PDZD2: variants seen among roughly 807,000 people sequenced by gnomAD.
PDZD2 encodes PDZ domain containing 2.
Under a neutral mutation model 220.7 loss-of-function variants are expected in PDZD2, and 90 were observed. The ratio of observed to expected loss-of-function variants is 0.41; its 90% confidence interval spans 0.34 to 0.49. The LOEUF (loss-of-function observed/expected upper bound fraction) is 0.49, where lower values mean the gene tolerates loss of function less well. Among genes scored for constraint, PDZD2 ranks in the 20% least tolerant of loss-of-function variants. PDZD2 has a pLI of 0.28. For missense variants in PDZD2, 3,174 were observed against 3,608.5 expected, an observed-to-expected ratio of 0.88 and a Z score of 3.08; for synonymous variants, 1,375 against 1,450.5, an observed-to-expected ratio of 0.95 and a Z score of 1.18.
intron 6 of PDZD2, among the ~76,000 whole-genome samples, chr5:32,013,870 A>G (rs1753519229): frequency 6.6e-6 from 1 of 152,110 alleles, no homozygotes; most frequent in African/African-American, 2.4e-5. Flanking sequence ...CAAAGCCTCA[A>G]CACCCATCAT....
At chr5:32,014,702 A>ATTTTTTTT (rs1753603921) in intron 6 of PDZD2, among the ~76,000 whole-genome samples, 3 of 94,556 alleles carry the variant, frequency 3.2e-5, no homozygotes, top group African/African-American at 2.0e-4. Flanking sequence ...TGCAATGACA[A>ATTTTTTTT]TTTCTTTTTT....
chr5:32,000,190 A>G lies in PDZD2; in HGVS notation c.1173A>G (p.Leu391=), dbSNP rs771895417. The G allele has an allele frequency of 1.2e-6, 2 of 1,613,794 alleles. No homozygotes were observed. The highest frequency in any genetic ancestry group is 2.7e-5 in the African/African-American group (2 of 74,886). ...GDELLVINGH[L]LVGLSHEEAV... ...AGCTGCTGGTAATCAATGGTCATTT[A>G]CTGGTCGGGCTCTCCCACGAGGAAG... The change falls in exon 5 of 25, where the codon TTA becomes TTG. Residue 391 remains leucine (L), a synonymous_variant. Coordinates refer to ENST00000438447, the MANE Select transcript of PDZD2 (RefSeq NM_178140.4). The surrounding 1 kb of genome is among the most constrained non-coding windows in gnomAD (Gnocchi z 4.5).
chr5:32,105,683 A>C (rs1296555353), intron 24 of PDZD2, among the ~76,000 whole-genome samples: 1 of 152,246 alleles, frequency 6.6e-6, no homozygotes, highest in Non-Finnish European at 1.5e-5. Context: ...GGTAAGCATA[A>C]GGAACCTAAG....
intron 2 of PDZD2, among the ~76,000 whole-genome samples, chr5:31,859,273 A>G (rs1272605354): frequency 6.6e-6 from 1 of 151,986 alleles, no homozygotes; most frequent in African/African-American, 2.4e-5. Flanking sequence ...TGTCAATTAA[A>G]CCTTCTCTAT....
At chr5:31,971,567 C>T (rs1363431938) in intron 2 of PDZD2, among the ~76,000 whole-genome samples, 1 of 152,182 alleles carries the variant, frequency 6.6e-6, no homozygotes, top group African/African-American at 2.4e-5. Context: ...AAGCTGTTGT[C>T]TCTAGCTTCA....
At chr5:31,772,938 G>T (rs1217434327) in intron 1 of PDZD2, among the ~76,000 whole-genome samples, 1 of 152,190 alleles carries the variant, frequency 6.6e-6, no homozygotes, top group African/African-American at 2.4e-5. Flanking sequence ...CTGTCTGCTT[G>T]AGAAGGTTCC....
At chr5:31,649,070 G>C (rs1646223002) in intron 1 of PDZD2, among the ~76,000 whole-genome samples, 1 of 151,954 alleles carries the variant, frequency 6.6e-6, no homozygotes, top group Non-Finnish European at 1.5e-5. Flanking sequence ...AAGAGATGGG[G>C]TCTCACTGTG....
intron 2 of PDZD2, among the ~76,000 whole-genome samples, chr5:31,944,604 C>T (rs571998185): frequency 5.3e-5 from 8 of 152,340 alleles, no homozygotes; most frequent in Non-Finnish European, 1.0e-4. Flanking sequence ...TCCCAGAAGA[C>T]AGACTTCGCC....
chr5:31,718,352 G>A (rs1344877476), intron 1 of PDZD2, among the ~76,000 whole-genome samples: 1 of 152,204 alleles, frequency 6.6e-6, no homozygotes, highest in Non-Finnish European at 1.5e-5. Context: ...AGAAGCTCCA[G>A]TCCAGGTTGC....
chr5:31,867,223 A>T (rs1738304899), intron 2 of PDZD2, among the ~76,000 whole-genome samples: 1 of 152,166 alleles, frequency 6.6e-6, no homozygotes, highest in Non-Finnish European at 1.5e-5. Context: ...TGAGCTCATA[A>T]AAAAACCTAA....
At chr5:31,788,725 A>G (rs1753531045) in intron 1 of PDZD2, among the ~76,000 whole-genome samples, 1 of 150,434 alleles carries the variant, frequency 6.6e-6, no homozygotes, top group South Asian at 2.1e-4. Flanking sequence ...ACCTAAGCTG[A>G]CTTAAGGGAG....
rs140758435 is a variant in PDZD2 at position 32,073,956 on chromosome 5, G to A, written c.2850G>A (p.Gln950=). The A allele has an allele frequency of 3.5e-5, 57 of 1,614,046 alleles. No individual in the cohort carries two copies. In the Middle Eastern group the frequency reaches 6.6e-4, roughly 19 times the overall value. Residue 950 remains glutamine, a synonymous_variant, in exon 18 of 25, where the codon CAG becomes CAA. Transcript: ENST00000438447. ...AAGCCAGTCTCCCCGGAAGCCCACA[G>A]GCCCTCCGAAACCCTCTCCTCCGCC... The part of the protein sequence containing the change: ...ARQASLPGSP[Q]ALRNPLLRQR...
At position 31,953,021 on chromosome 5, in the gene PDZD2, G is replaced by A. The variant is rs138304521; in HGVS notation, c.477-30134G>A. Among the ~76,000 whole-genome samples, 516 of 143,724 alleles carry A rather than the reference G, an allele frequency of 3.6e-3. 3 individuals are homozygous for A. Among genetic ancestry groups the A allele is most frequent in the African/African-American group, 0.013 (490 of 38,338 alleles). The allele number at this position is 143,724 out of a possible 152,430, so 94.3% of individuals were successfully genotyped here. A position where few individuals can be genotyped will look rare whatever the true frequency, so the allele number is the denominator to read the frequency against. Reference sequence around the variant, plus strand: ...TGCAGTGAGTCATGATCGTGCCACTGTACTCCAGCATGGGCAAGACAGAGT... The same window carrying A: ...TGCAGTGAGTCATGATCGTGCCACTATACTCCAGCATGGGCAAGACAGAGT... On this transcript the variant is annotated intron_variant, in intron 2 of 24. Transcript: ENST00000438447.
chr5:31,850,333 A>T, intron 2 of PDZD2, among the ~76,000 whole-genome samples: 1 of 90,846 alleles, frequency 1.1e-5, no homozygotes, highest in Non-Finnish European at 2.7e-5. Flanking sequence ...CCAATAAGGA[A>T]AACAAAGGTC....
rs576013327 is a variant in PDZD2 at position 31,695,175 on chromosome 5, G to C, written c.-361+55738G>C. Among the ~76,000 whole-genome samples, 9 of 152,162 alleles carry C rather than the reference G, an allele frequency of 5.9e-5. No homozygotes were observed. In the East Asian group the frequency reaches 7.7e-4, roughly 13 times the overall value. ...AGGAATAAAGAACGGCTACTCCATA[G>C]GCAGAGCAGCCCATCCTGCTGATTC... On this transcript the variant is annotated intron_variant, in intron 1 of 24. Coordinates refer to ENST00000438447, the MANE Select transcript of PDZD2 (RefSeq NM_178140.4).
chr5:31,927,938 C>T (rs548275927), intron 2 of PDZD2, among the ~76,000 whole-genome samples: 1 of 152,252 alleles, frequency 6.6e-6, no homozygotes, highest in East Asian at 1.9e-4. Context: ...TCATTGCCTT[C>T]CTCCATCTTC....
At chr5:31,780,759 G>A (rs934796186) in intron 1 of PDZD2, among the ~76,000 whole-genome samples, 2 of 152,200 alleles carry the variant, frequency 1.3e-5, no homozygotes, top group East Asian at 3.9e-4. Context: ...GTGGTTCCGC[G>A]GTGTCCTCAG....
At chr5:31,860,003 G>T (rs1210738826) in intron 2 of PDZD2, among the ~76,000 whole-genome samples, 2 of 152,132 alleles carry the variant, frequency 1.3e-5, no homozygotes, top group Non-Finnish European at 2.9e-5. Flanking sequence ...GGTTTCATTG[G>T]AGGATTCACA....
intron 1 of PDZD2, among the ~76,000 whole-genome samples, chr5:31,749,726 C>T (rs575817590): frequency 1.7e-4 from 26 of 152,258 alleles, no homozygotes; most frequent in African/African-American, 4.8e-4. Flanking sequence ...CCGGCTGTGA[C>T]GGTGTGATTG....
Sources: allele counts gnomAD v4.1 joint callset (sites outside exome capture counted in the v4.1 genomes callset), GRCh38; gene constraint gnomAD v4.1.1; non-coding constraint Gnocchi (gnomAD v3.1); transcripts MANE v1.5; gene names NCBI Gene and HGNC (gene_info 2026-07-23, HGNC 2026-07-21).